The following ZNF335 variants were observed in gnomAD, a reference collection of about 807,000 sequenced individuals.
ZNF335 encodes NRC-interacting factor 1.
In ZNF335, 84 loss-of-function variants were observed where a neutral mutation model predicts 145.6. The observed-to-expected ratio is 0.58, with a 90% CI of 0.48 to 0.69. The LOEUF (loss-of-function observed/expected upper bound fraction) is 0.69, where lower values mean the gene tolerates loss of function less well. Among genes scored for constraint, ZNF335 ranks in the 30% least tolerant of loss-of-function variants. The probability of loss-of-function intolerance (pLI) is 0.00; values close to 1 mark genes in which losing one functional copy is unlikely to be tolerated. For synonymous variants in ZNF335, 761 were observed against 717.0 expected (o/e 1.06, Z -0.98); for missense variants, 1,865 against 1,809.7 (o/e 1.03, Z -0.55).
intron 7 of ZNF335, among the ~76,000 whole-genome samples, chr20:45,965,147 A>G (rs2083928369): frequency 6.6e-6 from 1 of 151,978 alleles, no homozygotes; most frequent in African/African-American, 2.4e-5. Context: ...CCTAAAAGGC[A>G]TGCTGCTATA....
At chr20:45,958,778 CTCCTGCT>C (rs1568815745) in intron 15 of ZNF335, among the ~76,000 whole-genome samples, 1 of 152,176 alleles carries the variant, frequency 6.6e-6, no homozygotes, top group Non-Finnish European at 1.5e-5. Flanking sequence ...CCATCCCTTC[CTCCTGCT>C]TCCTGCCTGG....
chr20:45,955,890 G>C (rs567608670), intron 17 of ZNF335, among the ~76,000 whole-genome samples: 2 of 151,904 alleles, frequency 1.3e-5, no homozygotes, highest in African/African-American at 4.8e-5. Context: ...AATATAAAAC[G>C]AAAGAACCCA....
rs2083955426 is a variant in ZNF335 at position 45,966,510 on chromosome 20, C to A, written c.956-736G>T. ...ATTGTTTGAGGACAGGAGTTTGAGA[C>A]CAGCCTGGGCAACTCAGCAAGACTC... On this transcript the variant is annotated intron_variant, in intron 6 of 27. Transcript: ENST00000322927. Among the ~76,000 whole-genome samples the A allele has an allele frequency of 1.3e-5, 2 of 151,574 alleles. 1 individual carries two copies. The highest frequency in any genetic ancestry group is 2.9e-5 in the Non-Finnish European group (2 of 67,950).
intron 17 of ZNF335, among the ~76,000 whole-genome samples, chr20:45,956,235 CTTTTTTTT>C (rs748891893): frequency 7.0e-5 from 10 of 143,102 alleles, no homozygotes; most frequent in Non-Finnish European, 9.2e-5. Context: ...TTCTTTTTTT[CTTTTTTTT>C]TTTTTAGATG....
intron 14 of ZNF335, among the ~76,000 whole-genome samples, chr20:45,959,942 T>C (rs1446617754): frequency 6.6e-6 from 1 of 152,240 alleles, no homozygotes; most frequent in Admixed American, 6.5e-5. Flanking sequence ...GCAGGCACTC[T>C]GATTCCCCCA....
In ZNF335 at chr20:45,967,599, G is replaced by T. The variant is rs763235298; in HGVS notation, c.850C>A (p.Arg284Ser). ...AAAAAAGKKG[R>S]LRKWSTSTKS... is the part of the protein sequence containing the mutation. ...GTGGAGGTGCTCCACTTCCGTAGAC[G>T]TCCTTTTTTACCAGCTGCTGCTGCG... is the stretch of plus-strand genomic sequence containing the variant. The change falls in exon 6 of 28, where the codon CGT becomes AGT. Residue 284 changes from arginine to serine, a missense_variant. Physicochemically the swap from Arg to Ser is moderately radical, Grantham distance 110 (BLOSUM62 -1). Transcript: ENST00000322927. The T allele has an allele frequency of 4.0e-5, 65 of 1,613,962 alleles. No individual in the cohort carries two copies. Among genetic ancestry groups the T allele is most frequent in the Non-Finnish European group, 5.3e-5 (63 of 1,179,944 alleles).
rs749471336 is a variant in ZNF335, at chr20:45,950,081, G to T, written c.3488-12C>A. 6.2e-7 allele frequency: 1 copy of T among 1,613,008 alleles called. No homozygotes were observed. Among genetic ancestry groups the T allele is most frequent in the Non-Finnish European group, 8.5e-7 (1 of 1,179,554 alleles). On this transcript the variant is annotated splice_polypyrimidine_tract_variant and intron_variant, in intron 22 of 27. Transcript: ENST00000322927. The stretch of plus-strand genomic sequence containing the variant: ...GGACTGGAGTGCAGCTGGGCAGAGA[G>T]GAGAGGATGCTCACCTGGGGTCCAG...
intron 7 of ZNF335, among the ~76,000 whole-genome samples, chr20:45,964,702 A>G (rs1018314968): frequency 6.6e-6 from 1 of 152,152 alleles, no homozygotes; most frequent in Admixed American, 6.6e-5. Context: ...CTTTCCATAC[A>G]TATGTGCCTC....
intron 7 of ZNF335, 131 bp from the exon 8 acceptor site, chr20:45,964,121 CA>C (rs2083905875): frequency 8.8e-7 from 1 of 1,140,630 alleles, no homozygotes; most frequent in South Asian, 1.8e-5. Flanking sequence ...CATTGAGTCA[CA>C]TGACACAGAC....
intron 6 of ZNF335, among the ~76,000 whole-genome samples, chr20:45,966,606 A>C (rs1481977911): frequency 2.7e-5 from 4 of 149,402 alleles, no homozygotes; most frequent in East Asian, 4.0e-4. Context: ...GCTGGAGTAC[A>C]GTGGCATGAT....
chr20:45,954,107 T>C (rs914470103), intron 17 of ZNF335, among the ~76,000 whole-genome samples, 159 bp from the exon 18 acceptor site: 2 of 152,226 alleles, frequency 1.3e-5, no homozygotes. Context: ...TTCTAAAATA[T>C]ACTCTGGCTT....
At chr20:45,969,838 A>C in intron 2 of ZNF335, 147 bp from the exon 3 acceptor site, 2 of 1,058,758 alleles carry the variant, frequency 1.9e-6, no homozygotes, top group Non-Finnish European at 2.6e-6. Flanking sequence ...ACGGAGGACC[A>C]GTGAGAGAGG....
intron 1 of ZNF335, 98 bp from the exon 2 acceptor site, chr20:45,971,558 T>A (rs994171913): frequency 6.8e-7 from 1 of 1,459,974 alleles, no homozygotes; most frequent in Non-Finnish European, 9.0e-7. Context: ...ATTTTGCAGA[T>A]GCGAAGATTG....
intron 10 of ZNF335, 83 bp downstream of exon 10, chr20:45,961,987 T>G: frequency 8.3e-7 from 1 of 1,202,282 alleles, no homozygotes; most frequent in Non-Finnish European, 1.2e-6. Context: ...GCACGGTAAG[T>G]GGGAACCATG....
At position 45,952,248 on chromosome 20, in the gene ZNF335, C is replaced by T. The variant is rs907283948; in HGVS notation, c.3088G>A (p.Gly1030Ser). The change falls in exon 20 of 28, where the codon GGC becomes AGC. Residue 1030 changes from glycine (G) to serine (S), a missense_variant. Gly to Ser is a moderately conservative substitution (Grantham distance 56, BLOSUM62 0). Coordinates refer to ENST00000322927, the MANE Select transcript of ZNF335 (RefSeq NM_022095.4). ...SCKICAEAFP[G>S]RAEMESHKRA... ...TTGTGACTCTCCATCTCAGCTCGGCCAGGGAAGGCCTCGGCACAGATCTTG... is the reference window on the plus strand; with the variant it reads ...TTGTGACTCTCCATCTCAGCTCGGCTAGGGAAGGCCTCGGCACAGATCTTG... The T allele has an allele frequency of 1.1e-5, 18 of 1,613,252 alleles. No individual in the cohort carries two copies. Among genetic ancestry groups the T allele is most frequent in the Non-Finnish European group, 1.5e-5 (18 of 1,180,034 alleles).
chr20:45,963,486 C>G lies in ZNF335; in HGVS notation c.1520G>C (p.Trp507Ser). 1.2e-6 allele frequency: 2 copies of G among 1,611,120 alleles called. No homozygotes were observed. Among genetic ancestry groups the G allele is most frequent in the Non-Finnish European group, 1.7e-6 (2 of 1,177,650 alleles). ...TGGCTCCCGCACCTTGAGCGAGGACCAGCGGCGGGAACGATAGCTGCACTG... is the reference window on the plus strand; with the variant it reads ...TGGCTCCCGCACCTTGAGCGAGGACGAGCGGCGGGAACGATAGCTGCACTG... ...CLQCSYRSRR[W>S]SSLKEHMFNH... is the part of the protein sequence containing the mutation. Residue 507 changes from tryptophan to serine, a missense_variant, in exon 9 of 28, where the codon TGG becomes TCG. Trp to Ser is a radical substitution (Grantham distance 177, BLOSUM62 -3). Coordinates refer to ENST00000322927, the MANE Select transcript of ZNF335 (RefSeq NM_022095.4).
rs1332494179 is a variant in ZNF335, at chr20:45,949,800, C to T, written c.3669G>A (p.Gln1223=). The change falls in exon 24 of 28, where the codon CAG becomes CAA. Residue 1223 remains glutamine, a splice_region_variant and synonymous_variant. Coordinates refer to ENST00000322927, the MANE Select transcript of ZNF335 (RefSeq NM_022095.4). The part of the protein sequence containing the change: ...TVQHLVTSDN[Q]VQYIISQDGV... ...GGATTAACAGTAGCTAGTAGCTCACCTGGTTGTCGGAGGTCACCAGGTGCT... is the reference window on the plus strand; with the variant it reads ...GGATTAACAGTAGCTAGTAGCTCACTTGGTTGTCGGAGGTCACCAGGTGCT... 1 of 1,614,090 alleles carries T rather than the reference C, an allele frequency of 6.2e-7. No individual in the cohort carries two copies. Among genetic ancestry groups the T allele is most frequent in the Admixed American group, 1.7e-5 (1 of 60,022 alleles).
In ZNF335 at chr20:45,949,222, C is replaced by T. The variant is rs770977531; in HGVS notation, c.3849G>A (p.Gln1283=). The part of the protein sequence containing the change: ...QIQYVPVSPG[Q]QLVTQAQLEA... ...CAAGTTGAGCCTGTGTGACAAGCTG[C>T]TGGCCTGGGGACACAGGCACATACT... is the stretch of plus-strand genomic sequence containing the variant. The change falls in exon 27 of 28, where the codon CAG becomes CAA. Residue 1283 remains glutamine, a synonymous_variant. Coordinates refer to ENST00000322927, the MANE Select transcript of ZNF335 (RefSeq NM_022095.4). The T allele has an allele frequency of 2.4e-5, 39 of 1,613,812 alleles. No individual in the cohort carries two copies. In the East Asian group the frequency reaches 7.8e-4, roughly 32 times the overall value.
Position 45,948,989 on chromosome 20 carries a change from G to A in ZNF335, c.3993C>T (p.Gly1331=). Residue 1331 remains glycine (G), a synonymous_variant, in exon 28 of 28, where the codon GGC becomes GGT. Transcript: ENST00000322927. Reference sequence around the variant, plus strand: ...CCAGGGTGATGACGTCGTACTCGATGCCCTGGTGCTGCAGCTGTTGAATGT... The same window carrying A: ...CCAGGGTGATGACGTCGTACTCGATACCCTGGTGCTGCAGCTGTTGAATGT... ...PEHIQQLQHQ[G]IEYDVITLAD... The A allele has an allele frequency of 6.2e-7, 1 of 1,613,972 alleles. No homozygotes were observed. Among genetic ancestry groups the A allele is most frequent in the Non-Finnish European group, 8.5e-7 (1 of 1,180,038 alleles).
Sources: allele counts gnomAD v4.1 joint callset (sites outside exome capture counted in the v4.1 genomes callset), GRCh38; gene constraint gnomAD v4.1.1; transcripts MANE v1.5; gene names NCBI Gene and HGNC (gene_info 2026-07-23, HGNC 2026-07-21).